Variants in KIF21A observed in about 807,000 individuals in gnomAD.
KIF21A encodes the protein kinesin family member 21A.
A neutral mutation model predicts 202.9 loss-of-function variants in KIF21A; 114 were observed. The ratio of observed to expected loss-of-function variants is 0.56; its 90% CI spans 0.48 to 0.66. The LOEUF (loss-of-function observed/expected upper bound fraction) is 0.66, where lower values mean the gene tolerates loss of function less well. KIF21A is among the 30% of genes least tolerant of loss of function. KIF21A has a pLI of 0.00. For missense variants in KIF21A, 1,677 were observed against 1,994.9 expected (o/e 0.84, Z 3.04); for synonymous variants, 667 against 670.8 (o/e 0.99, Z 0.09).
chr12:39,295,473 T>C (rs938989812), intron 37 of KIF21A, among the ~76,000 whole-genome samples: 3 of 152,148 alleles, frequency 2.0e-5, no homozygotes, highest in African/African-American at 7.2e-5. Flanking sequence ...AAAGGTTTAG[T>C]GGAGTGCCAA....
rs1422413625 is a variant in KIF21A, at chr12:39,330,957, T to A, written c.3154-46A>T. On this transcript the variant is annotated intron_variant, in intron 22 of 37. Coordinates refer to ENST00000361418, the MANE Select transcript of KIF21A (RefSeq NM_001173464.2). ...ATCTTAGGTCATACGAAACAGGATC[T>A]ACCACACAAAGATCTGTATCAAACA... The A allele has an allele frequency of 3.2e-6, 5 of 1,587,230 alleles. No individual in the cohort carries two copies. The African/African-American group carries it at 4.0e-5, about 13-fold the overall frequency.
At chr12:39,366,065 T>C (rs1449436768) in intron 6 of KIF21A, among the ~76,000 whole-genome samples, 9 of 152,100 alleles carry the variant, frequency 5.9e-5, no homozygotes, top group Admixed American at 5.2e-4. Context: ...TTGTTAAATG[T>C]GGAAAGAATT....
At chr12:39,318,355 C>A (rs1305098757) in intron 28 of KIF21A, among the ~76,000 whole-genome samples, 154 bp from the exon 29 acceptor site, 1 of 152,000 alleles carries the variant, frequency 6.6e-6, no homozygotes, top group Admixed American at 6.6e-5. Context: ...GCATTCTGAA[C>A]AATTTTTAAA....
intron 24 of KIF21A, 102 bp downstream of exon 24, chr12:39,330,140 C>T (rs1458066595): frequency 2.1e-5 from 23 of 1,110,094 alleles, no homozygotes; most frequent in Non-Finnish European, 2.7e-5. Flanking sequence ...ACCACTTGAC[C>T]GCCAATAAAA....
intron 24 of KIF21A, among the ~76,000 whole-genome samples, chr12:39,328,564 C>T (rs1460315901): frequency 6.6e-6 from 1 of 152,154 alleles, no homozygotes; most frequent in African/African-American, 2.4e-5. Context: ...GATCCCAACA[C>T]AGATATAGAA....
At chr12:39,318,748 G>T (rs11834150) in intron 28 of KIF21A, among the ~76,000 whole-genome samples, 9,758 of 152,144 alleles carry the variant, frequency 0.064, 1,050 homozygotes, top group African/African-American at 0.22. Context: ...TTGGGAGGCC[G>T]AGGCGGGCGG....
At chr12:39,345,600 C>T (rs979074709) in intron 12 of KIF21A, among the ~76,000 whole-genome samples, 1 of 151,616 alleles carries the variant, frequency 6.6e-6, no homozygotes. Flanking sequence ...AGTATAAGTT[C>T]TCAAGTTCTT....
At chr12:39,403,308 G>GT (rs1952321064) in intron 1 of KIF21A, among the ~76,000 whole-genome samples, 1 of 152,124 alleles carries the variant, frequency 6.6e-6, no homozygotes, top group African/African-American at 2.4e-5. Context: ...GACAAAGCAT[G>GT]TTTACTGTCT....
chr12:39,352,779 T>C (rs965318086), intron 10 of KIF21A, among the ~76,000 whole-genome samples: 3 of 152,158 alleles, frequency 2.0e-5, no homozygotes, highest in African/African-American at 4.8e-5. Flanking sequence ...GAAAAAATTC[T>C]TTTGTTTGCT....
At chr12:39,320,860 A>G (rs1295861830) in intron 27 of KIF21A, among the ~76,000 whole-genome samples, 3 of 143,016 alleles carry the variant, frequency 2.1e-5, no homozygotes, top group African/African-American at 7.9e-5. Flanking sequence ...GCTTGAAGCC[A>G]GGAGGCAGAG....
At position 39,442,982 on chromosome 12, in the gene KIF21A, G is replaced by A. The variant is rs1365770738; in HGVS notation, c.-12C>T. 2.6e-6 allele frequency: 4 copies of A among 1,519,222 alleles called. No homozygotes were observed. The highest frequency in any genetic ancestry group is 2.6e-5 in the East Asian group (1 of 39,116). The allele number at this position is 1,519,222 out of a possible 1,614,324, so 94.1% of individuals were successfully genotyped here. A position where few individuals can be genotyped will look rare whatever the true frequency, so the allele number is the denominator to read the frequency against. On this transcript the variant is annotated 5_prime_UTR_variant, in exon 1 of 38. Coordinates refer to ENST00000361418, the MANE Select transcript of KIF21A (RefSeq NM_001173464.2). This position sits in a 1 kb window ranked among gnomAD's most constrained non-coding sequence, Gnocchi z 5.0. ...GGGGCGCCCAACATGCTGGCGGCGG[G>A]CAGCGATCGAGCCGTTGGGCCTCGG...
At chr12:39,402,717 T>A (rs1256370208) in intron 1 of KIF21A, among the ~76,000 whole-genome samples, 1 of 152,180 alleles carries the variant, frequency 6.6e-6, no homozygotes, top group Non-Finnish European at 1.5e-5. Flanking sequence ...CACAAATTCA[T>A]AAACTTTCTT....
At chr12:39,424,125 T>C (rs933745089) in intron 1 of KIF21A, among the ~76,000 whole-genome samples, 1 of 151,410 alleles carries the variant, frequency 6.6e-6, no homozygotes, top group Non-Finnish European at 1.5e-5. Flanking sequence ...ATTAACCTAC[T>C]GTAATCAAGC....
At chr12:39,402,550 C>G (rs1174794736) in intron 1 of KIF21A, among the ~76,000 whole-genome samples, 1 of 152,040 alleles carries the variant, frequency 6.6e-6, no homozygotes, top group Non-Finnish European at 1.5e-5. Flanking sequence ...CATACCTATA[C>G]AAATAAATAA....
chr12:39,330,184 C>A lies in KIF21A; in HGVS notation c.3340+58G>T, dbSNP rs1200403647. The A allele has an allele frequency of 2.0e-6, 3 of 1,481,632 alleles. No homozygotes were observed. In the Admixed American group the frequency reaches 5.0e-5, roughly 25 times the overall value. 91.8% of individuals were successfully genotyped at this position (1,481,632 alleles called of 1,614,324 possible). ...AATAAGATGTACCACAATTAGTGTA[C>A]ATGAACAATTAGTAATTCATGCAGC... On this transcript the variant is annotated intron_variant, in intron 24 of 37. Coordinates refer to ENST00000361418, the MANE Select transcript of KIF21A (RefSeq NM_001173464.2).
At chr12:39,341,728 T>A in intron 13 of KIF21A, 106 bp from the exon 14 acceptor site, 1 of 1,192,342 alleles carries the variant, frequency 8.4e-7, no homozygotes, top group Non-Finnish European at 1.2e-6. Flanking sequence ...ATAAAAAAAT[T>A]CACTTGTCAT....
intron 37 of KIF21A, among the ~76,000 whole-genome samples, chr12:39,297,873 T>TA (rs1942558418): frequency 1.4e-5 from 2 of 147,966 alleles, no homozygotes; most frequent in Non-Finnish European, 3.0e-5. Flanking sequence ...TAATAATAAT[T>TA]ATTATTATTA....
rs1407127436 is a variant in KIF21A at position 39,442,990 on chromosome 12, C to G, written c.-20G>C. On this transcript the variant is annotated 5_prime_UTR_variant, in exon 1 of 38. Coordinates refer to ENST00000361418, the MANE Select transcript of KIF21A (RefSeq NM_001173464.2). The surrounding 1 kb of genome is among the most constrained non-coding windows in gnomAD (Gnocchi z 5.0). ...CAACATGCTGGCGGCGGGCAGCGAT[C>G]GAGCCGTTGGGCCTCGGCACCGCAG... The G allele has an allele frequency of 1.3e-6, 2 of 1,517,978 alleles. No homozygotes were observed. 94.0% of individuals were successfully genotyped at this position (1,517,978 alleles called of 1,614,324 possible).
intron 29 of KIF21A, 68 bp from the exon 30 acceptor site, chr12:39,316,038 G>A: frequency 1.9e-6 from 2 of 1,072,260 alleles, no homozygotes; most frequent in Non-Finnish European, 2.9e-6. Context: ...CACTGACTTT[G>A]GACTCAAAAT....
Sources: gnomAD v4.1 joint callset for allele counts (sites outside exome capture counted in the v4.1 genomes callset) on GRCh38, gnomAD v4.1.1 for gene constraint, Gnocchi (gnomAD v3.1) non-coding constraint, MANE v1.5 for transcripts, NCBI Gene and HGNC (gene_info 2026-07-23, HGNC 2026-07-21) for gene names.